Variants in FAAH2 observed in about 807,000 individuals in gnomAD.
FAAH2 encodes the protein fatty-acid amide hydrolase 2.
In FAAH2, 60 loss-of-function variants were observed where a neutral mutation model predicts 36.9. The observed-to-expected ratio is 1.63, with a 90% CI of 1.32 to 2.02. FAAH2 has a LOEUF of 2.02. Among genes scored for constraint, FAAH2 ranks in the 30% most tolerant of loss-of-function variants. The pLI, the probability that FAAH2 is intolerant of heterozygous loss-of-function variation, is 0.00. For synonymous variants in FAAH2, 214 were observed against 143.8 expected, an observed-to-expected ratio of 1.49 and a Z score of -3.49; for missense variants, 689 against 397.5, an observed-to-expected ratio of 1.73 and a Z score of -6.23.
intron 8 of FAAH2, among the ~76,000 whole-genome samples, chrX:57,443,780 A>C (rs758419438): frequency 8.9e-6 from 1 of 111,943 alleles, no homozygotes; most frequent in South Asian, 3.7e-4. Context: ...GGTGACGTAC[A>C]GATGGGGTTT....
intron 5 of FAAH2, among the ~76,000 whole-genome samples, chrX:57,351,680 A>G (rs778698168): frequency 2.7e-5 from 3 of 109,487 alleles, no homozygotes; most frequent in Non-Finnish European, 5.7e-5. Context: ...AGATTATTGG[A>G]GACTATTATG....
At chrX:57,149,829 C>G in the FAAH2 span, among the ~76,000 whole-genome samples, 20 of 111,312 alleles carry the variant, frequency 1.8e-4, no homozygotes, top group African/African-American at 6.2e-4. Context: ...TCTTGCTTTT[C>G]TACTTCTTTT....
chrX:57,376,917 C>A (rs775880593), intron 5 of FAAH2, among the ~76,000 whole-genome samples: 1 of 111,734 alleles, frequency 8.9e-6, no homozygotes, highest in Non-Finnish European at 1.9e-5. Flanking sequence ...TGATGATGAG[C>A]TTTTTTTTGC....
intron 7 of FAAH2, among the ~76,000 whole-genome samples, chrX:57,398,591 G>C (rs547814518): frequency 1.8e-5 from 2 of 109,786 alleles, no homozygotes; most frequent in South Asian, 8.0e-4. Flanking sequence ...CTGAAACAGA[G>C]CTCCCATAAA....
At chrX:57,171,094 T>A in the FAAH2 span, among the ~76,000 whole-genome samples, 1 of 111,626 alleles carries the variant, frequency 9.0e-6, no homozygotes, top group Non-Finnish European at 1.9e-5. Context: ...TATATTATTC[T>A]TTTTTTATGG....
chrX:57,274,571 T>G, the FAAH2 span, among the ~76,000 whole-genome samples: 1 of 112,052 alleles, frequency 8.9e-6, no homozygotes, highest in Admixed American at 9.5e-5. Context: ...TCAAGTTGGC[T>G]TCATACCTGG....
chrX:57,205,742 A>G, the FAAH2 span, among the ~76,000 whole-genome samples: 1 of 112,500 alleles, frequency 8.9e-6, no homozygotes, highest in Non-Finnish European at 1.9e-5. Context: ...GAATCCAATT[A>G]GTTAATTTCA....
chrX:57,324,131 G>A (rs962552066), intron 3 of FAAH2, among the ~76,000 whole-genome samples: 3 of 111,649 alleles, frequency 2.7e-5, no homozygotes, highest in African/African-American at 9.8e-5. Context: ...TGTCAGGTTT[G>A]TCAAAGATCA....
the FAAH2 span, among the ~76,000 whole-genome samples, chrX:57,271,982 A>G: frequency 9.1e-6 from 1 of 110,066 alleles, no homozygotes; most frequent in African/African-American, 3.3e-5. Context: ...GTTCTAACCC[A>G]ATGCAAGGAA....
chrX:57,469,227 G>A (rs2057110721), intron 10 of FAAH2, among the ~76,000 whole-genome samples: 1 of 111,756 alleles, frequency 8.9e-6, no homozygotes, highest in Admixed American at 9.5e-5. Flanking sequence ...CATAATGAAA[G>A]GATCAAATTC....
chrX:57,438,092 T>A (rs906874083), intron 8 of FAAH2, among the ~76,000 whole-genome samples: 1 of 105,126 alleles, frequency 9.5e-6, no homozygotes, highest in Non-Finnish European at 1.9e-5. Flanking sequence ...CGTGTATATA[T>A]GTATTGTCCA....
At chrX:57,149,300 T>C in the FAAH2 span, among the ~76,000 whole-genome samples, 1 of 111,888 alleles carries the variant, frequency 8.9e-6, no homozygotes, top group Non-Finnish European at 1.9e-5. Flanking sequence ...TTCCCTGTTT[T>C]TCTATTGATG....
At chrX:57,372,022 A>G (rs2054564756) in intron 5 of FAAH2, among the ~76,000 whole-genome samples, 1 of 111,427 alleles carries the variant, frequency 9.0e-6, no homozygotes, top group South Asian at 3.7e-4. Flanking sequence ...GTGTATATGT[A>G]TCACTTTTTT....
At chrX:57,189,458 A>C in the FAAH2 span, among the ~76,000 whole-genome samples, 1 of 109,555 alleles carries the variant, frequency 9.1e-6, no homozygotes, top group Non-Finnish European at 1.9e-5. Context: ...CATTTGGAGA[A>C]GAGGCATTCT....
At chrX:57,330,459 G>A (rs944521200) in intron 3 of FAAH2, among the ~76,000 whole-genome samples, 3 of 111,505 alleles carry the variant, frequency 2.7e-5, no homozygotes, top group African/African-American at 9.8e-5. Context: ...GTTATCAATG[G>A]CAATGGTGCC....
chrX:57,183,116 G>T, the FAAH2 span, among the ~76,000 whole-genome samples: 1 of 110,774 alleles, frequency 9.0e-6, no homozygotes, highest in Non-Finnish European at 1.9e-5. Flanking sequence ...GAGTTACAAG[G>T]CTTCGTACCT....
chrX:57,373,944 C>T (rs1356870431), intron 5 of FAAH2, among the ~76,000 whole-genome samples: 1 of 111,272 alleles, frequency 9.0e-6, no homozygotes, highest in Non-Finnish European at 1.9e-5. Flanking sequence ...TGTGGTTAGC[C>T]AATTATCCCA....
chrX:57,405,064 C>T (rs2055532649), intron 7 of FAAH2, among the ~76,000 whole-genome samples: 1 of 111,978 alleles, frequency 8.9e-6, no homozygotes, highest in African/African-American at 3.3e-5. Flanking sequence ...AGTTCAGTGG[C>T]CATGCTAATC....
chrX:57,169,679 G>T, the FAAH2 span, among the ~76,000 whole-genome samples: 1 of 98,550 alleles, frequency 1.0e-5, no homozygotes, highest in Non-Finnish European at 2.1e-5. Flanking sequence ...AAAGTTGTAG[G>T]AGAAAAGATT....
Sources: allele counts gnomAD v4.1 joint callset (sites outside exome capture counted in the v4.1 genomes callset), GRCh38; gene constraint gnomAD v4.1.1; transcripts MANE v1.5; gene names NCBI Gene and HGNC (gene_info 2026-07-23, HGNC 2026-07-21).